The following MIPOL1 variants were observed in gnomAD, a reference collection of about 807,000 sequenced individuals.
The protein encoded by MIPOL1 is mirror-image polydactyly gene 1 protein.
In MIPOL1, 57 loss-of-function variants were observed where a neutral mutation model predicts 60.9. That is an observed-to-expected ratio of 0.94 (90% CI 0.76 to 1.17). The LOEUF is 1.17. Ranked by LOEUF, MIPOL1 falls within the 50% of genes most tolerant of loss-of-function variation. The pLI is 0.00. For synonymous variants in MIPOL1, 179 were observed against 168.8 expected (o/e 1.06, Z -0.47); for missense variants, 551 against 511.6 (o/e 1.08, Z -0.74).
intron 11 of MIPOL1, among the ~76,000 whole-genome samples, chr14:37,453,412 GTCT>G (rs2094444072): frequency 6.6e-6 from 1 of 151,838 alleles, no homozygotes; most frequent in Non-Finnish European, 1.5e-5. Flanking sequence ...TTAAACATTT[GTCT>G]TATAAAATTT....
intron 3 of MIPOL1, among the ~76,000 whole-genome samples, chr14:37,264,023 TAA>T (rs1321425410): frequency 3.9e-5 from 6 of 152,290 alleles, no homozygotes; most frequent in African/African-American, 1.2e-4. Flanking sequence ...CAGTTCTTTT[TAA>T]AGTGATGGGG....
chr14:37,201,487 G>T (rs1170830238), intron 1 of MIPOL1, among the ~76,000 whole-genome samples: 1 of 152,130 alleles, frequency 6.6e-6, no homozygotes, highest in Non-Finnish European at 1.5e-5. Flanking sequence ...GATATTTTGA[G>T]TAAAAATATG....
intron 12 of MIPOL1, among the ~76,000 whole-genome samples, chr14:37,515,292 GA>G (rs368304881): frequency 0.034 from 4,373 of 127,468 alleles, 157 homozygotes; most frequent in East Asian, 0.17. Flanking sequence ...TAAATATAAT[GA>G]AAAAAAAAAA....
intron 7 of MIPOL1, among the ~76,000 whole-genome samples, chr14:37,302,812 C>G (rs2086429104): frequency 6.6e-6 from 1 of 151,692 alleles, no homozygotes; most frequent in Non-Finnish European, 1.5e-5. Context: ...ATCCCTTTGT[C>G]AATATCACAT....
At chr14:37,234,138 A>G (rs1971058819) in intron 1 of MIPOL1, among the ~76,000 whole-genome samples, 2 of 152,142 alleles carry the variant, frequency 1.3e-5, no homozygotes, top group South Asian at 4.1e-4. Context: ...ATCGGGTAGA[A>G]AGTTTGCTCA....
chr14:37,453,001 G>A (rs958510777), intron 11 of MIPOL1, among the ~76,000 whole-genome samples: 1 of 152,172 alleles, frequency 6.6e-6, no homozygotes. Flanking sequence ...ATGGTATTAA[G>A]AAGCAGCAGT....
intron 6 of MIPOL1, among the ~76,000 whole-genome samples, chr14:37,282,238 A>ATATTATTATTATTAT (rs71124802): frequency 0.012 from 1,699 of 146,404 alleles, 21 homozygotes; most frequent in Non-Finnish European, 0.017. Flanking sequence ...TATTGCAGTA[A>ATATTATTATTATTAT]TATTATTATT....
At chr14:37,296,494 C>T (rs1187286601) in intron 7 of MIPOL1, among the ~76,000 whole-genome samples, 2 of 151,942 alleles carry the variant, frequency 1.3e-5, no homozygotes, top group African/African-American at 4.8e-5. Flanking sequence ...AAAAACCATT[C>T]AAAAAATCAA....
At chr14:37,367,865 C>T (rs1471854155) in intron 9 of MIPOL1, among the ~76,000 whole-genome samples, 1 of 151,972 alleles carries the variant, frequency 6.6e-6, no homozygotes, top group East Asian at 1.9e-4. Flanking sequence ...TTTCTCGGGT[C>T]ATAATTTGTG....
At chr14:37,372,023 C>T (rs1008983902) in intron 10 of MIPOL1, among the ~76,000 whole-genome samples, 8 of 152,058 alleles carry the variant, frequency 5.3e-5, no homozygotes, top group African/African-American at 1.9e-4. Flanking sequence ...AGGAACAACT[C>T]TTTAAAAACG....
chr14:37,293,632 G>A (rs1395301773), intron 7 of MIPOL1, among the ~76,000 whole-genome samples: 1 of 152,150 alleles, frequency 6.6e-6, no homozygotes, highest in East Asian at 1.9e-4. Context: ...TTTCCAATGG[G>A]CTTATCAAAC....
intron 9 of MIPOL1, among the ~76,000 whole-genome samples, chr14:37,345,955 A>C (rs1466605209): frequency 6.6e-6 from 1 of 152,200 alleles, no homozygotes; most frequent in Non-Finnish European, 1.5e-5. Context: ...CTTAAAATAC[A>C]TTACTTGATT....
intron 12 of MIPOL1, chr14:37,502,302 T>A (rs140340607): frequency 6.6e-6 from 1 of 152,400 alleles, no homozygotes; most frequent in Non-Finnish European, 1.5e-5. Context: ...CTCAAGTGGG[T>A]CCCTGACACC....
At chr14:37,435,921 T>G (rs2094156678) in intron 11 of MIPOL1, among the ~76,000 whole-genome samples, 2 of 152,186 alleles carry the variant, frequency 1.3e-5, no homozygotes, top group African/African-American at 4.8e-5. Context: ...TATATGTATA[T>G]TTATGACAAT....
chr14:37,298,692 A>G (rs1419918510), intron 7 of MIPOL1, among the ~76,000 whole-genome samples: 1 of 152,202 alleles, frequency 6.6e-6, no homozygotes, highest in Non-Finnish European at 1.5e-5. Flanking sequence ...AAAACACATG[A>G]AAAAATGCTC....
chr14:37,472,903 C>G (rs2094710856), intron 11 of MIPOL1, among the ~76,000 whole-genome samples: 1 of 152,094 alleles, frequency 6.6e-6, no homozygotes, highest in Non-Finnish European at 1.5e-5. Context: ...CCTAGTAAGC[C>G]CGCCTATGGA....
intron 3 of MIPOL1, among the ~76,000 whole-genome samples, chr14:37,252,009 AATATTAAATCTGCT>A (rs1974187929): frequency 6.6e-6 from 1 of 151,786 alleles, no homozygotes. Flanking sequence ...ACCAAAATTA[AATATTAAATCTGCT>A]ATATTGTAAA....
intron 11 of MIPOL1, among the ~76,000 whole-genome samples, chr14:37,430,540 C>T (rs150157881): frequency 6.6e-6 from 1 of 150,580 alleles, no homozygotes; most frequent in Admixed American, 6.6e-5. Flanking sequence ...TTCTGTATGT[C>T]CAGTGATTTG....
chr14:37,351,789 A>T (rs1252091787), intron 9 of MIPOL1, among the ~76,000 whole-genome samples: 2 of 122,008 alleles, frequency 1.6e-5, no homozygotes, highest in African/African-American at 3.1e-5. Flanking sequence ...GTTTGAGTTC[A>T]TTGTAGATTG....
Sources: allele counts gnomAD v4.1 joint callset (sites outside exome capture counted in the v4.1 genomes callset), GRCh38; gene constraint gnomAD v4.1.1; transcripts MANE v1.5; gene names NCBI Gene and HGNC (gene_info 2026-07-23, HGNC 2026-07-21).